The following SESTD1 variants were observed in gnomAD, a reference collection of about 807,000 sequenced individuals.
The protein encoded by SESTD1 is SEC14 and spectrin domain containing 1, also known as SEC14 domain and spectrin repeat-containing protein 1.
A neutral mutation model predicts 101.7 loss-of-function variants in SESTD1; 43 were observed. That is an observed-to-expected ratio of 0.42 (90% CI 0.33 to 0.55). The LOEUF (loss-of-function observed/expected upper bound fraction) is 0.55, where lower values mean the gene tolerates loss of function less well. Ranked by LOEUF, SESTD1 falls within the 20% of genes least tolerant of loss-of-function variation. The probability of loss-of-function intolerance (pLI) is 0.07; values close to 1 mark genes in which losing one functional copy is unlikely to be tolerated. For synonymous variants in SESTD1, 283 were observed against 286.8 expected, an observed-to-expected ratio of 0.99 and a Z score of 0.13; for missense variants, 647 against 815.1, an observed-to-expected ratio of 0.79 and a Z score of 2.51.
chr2:179,109,894 A>T lies in SESTD1; in HGVS notation c.*5T>A. The T allele has an allele frequency of 6.2e-7, 1 of 1,613,348 alleles. No homozygotes were observed. The highest frequency in any genetic ancestry group is 1.1e-5 in the South Asian group (1 of 91,024). The stretch of plus-strand genomic sequence containing the variant: ...AACTGCAAATCTGTAGGTAGCTGGT[A>T]GCTATTAGCTCTCTGTGGTCACCAT... On this transcript the variant is annotated 3_prime_UTR_variant, in exon 18 of 18. Coordinates refer to ENST00000428443, the MANE Select transcript of SESTD1 (RefSeq NM_178123.5).
At chr2:179,195,228 AGAGT>A (rs1355021556) in intron 1 of SESTD1, among the ~76,000 whole-genome samples, 3 of 152,240 alleles carry the variant, frequency 2.0e-5, no homozygotes, top group East Asian at 1.9e-4. Context: ...CTCCATATGT[AGAGT>A]GAGGGAAGTG....
intron 1 of SESTD1, among the ~76,000 whole-genome samples, chr2:179,258,328 C>T (rs2047430802): frequency 6.6e-6 from 1 of 152,166 alleles, no homozygotes; most frequent in South Asian, 2.1e-4. Context: ...TACTGAATCA[C>T]AATTCATGAC....
chr2:179,234,615 T>C (rs1190886383), intron 1 of SESTD1, among the ~76,000 whole-genome samples: 1 of 151,932 alleles, frequency 6.6e-6, no homozygotes, highest in African/African-American at 2.4e-5. Context: ...CCGTCTCTAC[T>C]AAAAATAGTA....
intron 1 of SESTD1, among the ~76,000 whole-genome samples, chr2:179,231,600 TATAAC>T (rs893961167): frequency 2.0e-5 from 3 of 151,824 alleles, no homozygotes; most frequent in Non-Finnish European, 2.9e-5. Context: ...ACACAGTATT[TATAAC>T]ATAAGAGTTG....
intron 1 of SESTD1, among the ~76,000 whole-genome samples, chr2:179,234,595 T>C (rs1423795624): frequency 6.6e-6 from 1 of 152,112 alleles, no homozygotes; most frequent in East Asian, 1.9e-4. Context: ...CTGGCCAACA[T>C]GGTGAAACCC....
chr2:179,148,122 C>T, intron 7 of SESTD1, among the ~76,000 whole-genome samples: 1 of 152,120 alleles, frequency 6.6e-6, no homozygotes, highest in Non-Finnish European at 1.5e-5. Flanking sequence ...TTGTTTTAAT[C>T]AAGATTTTGT....
intron 1 of SESTD1, among the ~76,000 whole-genome samples, chr2:179,217,670 C>A (rs529174447): frequency 2.0e-4 from 30 of 152,112 alleles, no homozygotes; most frequent in Non-Finnish European, 4.0e-4. Context: ...ACTATAAAGA[C>A]ACATGCACAC....
intron 9 of SESTD1, among the ~76,000 whole-genome samples, chr2:179,141,761 G>A (rs1346650125): frequency 6.6e-6 from 1 of 151,980 alleles, no homozygotes; most frequent in Non-Finnish European, 1.5e-5. Context: ...GATTATTTGG[G>A]TTCAGAATAT....
intron 10 of SESTD1, among the ~76,000 whole-genome samples, chr2:179,129,010 G>A (rs2044947902): frequency 1.3e-5 from 2 of 152,164 alleles, no homozygotes; most frequent in African/African-American, 4.8e-5. Flanking sequence ...GTGAAATGAT[G>A]GATATTTATA....
intron 1 of SESTD1, among the ~76,000 whole-genome samples, chr2:179,194,429 G>A (rs950837426): frequency 3.3e-5 from 5 of 152,046 alleles, no homozygotes; most frequent in Non-Finnish European, 7.4e-5. Flanking sequence ...CTTTCAGTAG[G>A]GGCCCTCCTC....
At chr2:179,263,852 C>T (rs10204985) in intron 1 of SESTD1, 58,814 of 152,364 alleles carry the variant, frequency 0.39, 14,741 homozygotes, top group African/African-American at 0.72. Context: ...CCCTTTGTGA[C>T]TCTCCCAAAC....
intron 5 of SESTD1, among the ~76,000 whole-genome samples, chr2:179,154,982 T>C (rs970954195): frequency 6.6e-6 from 1 of 152,186 alleles, no homozygotes; most frequent in African/African-American, 2.4e-5. Flanking sequence ...TACTGATTTC[T>C]AGCTCACTGT....
chr2:179,117,838 T>A (rs1320086732), intron 13 of SESTD1, among the ~76,000 whole-genome samples: 1 of 152,140 alleles, frequency 6.6e-6, no homozygotes, highest in Non-Finnish European at 1.5e-5. Context: ...CAAACCCTCT[T>A]AAAGATAGCA....
At chr2:179,110,099 A>T in intron 17 of SESTD1, 71 bp from the exon 18 acceptor site, 1 of 1,502,976 alleles carries the variant, frequency 6.7e-7, no homozygotes, top group Non-Finnish European at 9.1e-7. Context: ...TACAAATAGA[A>T]GCAAAAATTT....
Position 179,116,726 on chromosome 2 carries a change from T to G in SESTD1, c.1589A>C (p.Asp530Ala). The G allele has an allele frequency of 6.2e-7, 1 of 1,614,146 alleles. No individual in the cohort carries two copies. Among genetic ancestry groups the G allele is most frequent in the African/African-American group, 1.3e-5 (1 of 75,060 alleles). Residue 530 changes from aspartate to alanine, a missense_variant, in exon 15 of 18, where the codon GAT (aspartate) becomes GCT (alanine). Asp to Ala is a moderately radical substitution (Grantham distance 126). Around this residue, in one of 3 missense-constraint regions of SESTD1, gnomAD observed 476 missense variants for 562.6 expected, o/e 0.85. Coordinates refer to ENST00000428443, the MANE Select transcript of SESTD1 (RefSeq NM_178123.5). ...LLKTHIRLGD[D>A]AQETKVLLEK... Reference sequence around the variant, plus strand: ...CAGCAAAACTTTCGTTTCTTGAGCATCATCGCCCAATCTGATGTGAGTCTT... The same window carrying G: ...CAGCAAAACTTTCGTTTCTTGAGCAGCATCGCCCAATCTGATGTGAGTCTT...
chr2:179,135,688 G>A (rs763744839), intron 9 of SESTD1, among the ~76,000 whole-genome samples: 1 of 152,180 alleles, frequency 6.6e-6, no homozygotes, highest in Non-Finnish European at 1.5e-5. Flanking sequence ...GGGAGGCGGA[G>A]GTTGCAGTAA....
intron 1 of SESTD1, among the ~76,000 whole-genome samples, chr2:179,200,082 C>G (rs374163959): frequency 0.061 from 9,315 of 152,058 alleles, 413 homozygotes; most frequent in Non-Finnish European, 0.092. Context: ...CAAAGTCTCA[C>G]GATACAAAAT....
intron 1 of SESTD1, among the ~76,000 whole-genome samples, chr2:179,193,576 T>C (rs2046349110): frequency 6.6e-6 from 1 of 152,234 alleles, no homozygotes; most frequent in Non-Finnish European, 1.5e-5. Flanking sequence ...ATAATTATTA[T>C]AATTAACATT....
At position 179,107,990 on chromosome 2, in the gene SESTD1, GC is replaced by G. The variant is rs2044422940; in HGVS notation, c.*1908del. 6.6e-6 allele frequency: 1 copy of G among 152,148 alleles called. No individual in the cohort carries two copies. The highest frequency in any genetic ancestry group is 6.6e-5 in the Admixed American group (1 of 15,264). 9.4% of individuals were successfully genotyped at this position (152,148 alleles called of 1,614,324 possible). ...AGACAAGAGGGAGCAGTTGAACTTTGCCCTGAACTTCCTGGCATGTTTGACT... is the reference window on the plus strand; with the variant it reads ...AGACAAGAGGGAGCAGTTGAACTTTGCCTGAACTTCCTGGCATGTTTGACT... On this transcript the variant is annotated 3_prime_UTR_variant, in exon 18 of 18. Coordinates refer to ENST00000428443, the MANE Select transcript of SESTD1 (RefSeq NM_178123.5).
Sources: gnomAD v4.1 joint callset for allele counts (sites outside exome capture counted in the v4.1 genomes callset) on GRCh38, gnomAD v4.1.1 for gene constraint, gnomAD v4.1.1 regional missense constraint, MANE v1.5 for transcripts, NCBI Gene and HGNC (gene_info 2026-07-23, HGNC 2026-07-21) for gene names.